The following ARHGEF3 variants were observed in gnomAD, a reference collection of about 807,000 sequenced individuals.
ARHGEF3 encodes the protein Rho guanine nucleotide exchange factor 3.
Under a neutral mutation model 63.2 loss-of-function variants are expected in ARHGEF3, and 28 were observed. That is an observed-to-expected ratio of 0.44 (90% CI 0.33 to 0.61). The LOEUF is 0.61. Among genes scored for constraint, ARHGEF3 ranks in the 20% least tolerant of loss-of-function variants. ARHGEF3 has a pLI of 0.03. For missense variants in ARHGEF3, 533 were observed against 659.3 expected, an observed-to-expected ratio of 0.81 and a Z score of 2.10; for synonymous variants, 266 against 254.2, an observed-to-expected ratio of 1.05 and a Z score of -0.44.
At chr3:56,842,219 G>A (rs1559984625) in intron 4 of ARHGEF3, among the ~76,000 whole-genome samples, 1 of 152,204 alleles carries the variant, frequency 6.6e-6, no homozygotes, top group Non-Finnish European at 1.5e-5. Context: ...CCAGTCAAAT[G>A]TGGGATTGTA....
intron 4 of ARHGEF3, among the ~76,000 whole-genome samples, chr3:56,810,666 C>A (rs1464645675): frequency 6.6e-6 from 1 of 152,094 alleles, no homozygotes; most frequent in East Asian, 1.9e-4. Context: ...GTATTCATAT[C>A]ATCTGGCCTG....
At chr3:57,002,479 T>TTTTA (rs1702250705) in intron 2 of ARHGEF3, among the ~76,000 whole-genome samples, 2 of 39,472 alleles carry the variant, frequency 5.1e-5, no homozygotes, top group Admixed American at 3.5e-4. Context: ...TATATATATG[T>TTTTA]TATATATATA....
chr3:57,020,198 A>C (rs1002399692), intron 2 of ARHGEF3, among the ~76,000 whole-genome samples: 3 of 152,084 alleles, frequency 2.0e-5, no homozygotes, highest in Non-Finnish European at 4.4e-5. Context: ...AATTTAGTGG[A>C]GCAAATAAAG....
intron 3 of ARHGEF3, among the ~76,000 whole-genome samples, chr3:56,913,948 TA>T (rs2041920947): frequency 6.6e-6 from 1 of 152,208 alleles, no homozygotes; most frequent in Admixed American, 6.5e-5. Context: ...TACTCAGCCA[TA>T]AAAAGGAATG....
chr3:56,806,350 G>A (rs1044658992), upstream of ARHGEF3, among the ~76,000 whole-genome samples: 3 of 152,224 alleles, frequency 2.0e-5, no homozygotes, highest in Non-Finnish European at 2.9e-5. Flanking sequence ...AAGCTAAGTG[G>A]CCCCAGGAGC....
At chr3:56,922,948 A>C (rs2042179468) in intron 3 of ARHGEF3, among the ~76,000 whole-genome samples, 2 of 150,782 alleles carry the variant, frequency 1.3e-5, no homozygotes, top group South Asian at 2.1e-4. Flanking sequence ...CACTTTGGGA[A>C]GCGTAGGCGG....
intron 9 of ARHGEF3, among the ~76,000 whole-genome samples, chr3:56,730,981 A>T (rs1179324863): frequency 1.3e-5 from 2 of 152,198 alleles, no homozygotes; most frequent in Non-Finnish European, 2.9e-5. Context: ...CTAACTTGTA[A>T]AATGGAGAAA....
intron 4 of ARHGEF3, among the ~76,000 whole-genome samples, chr3:56,832,154 C>T (rs1443275844): frequency 6.6e-6 from 1 of 152,218 alleles, no homozygotes; most frequent in Non-Finnish European, 1.5e-5. Context: ...CAACCTGACC[C>T]CATGCCCCTT....
chr3:56,744,519 T>C (rs143224993), intron 7 of ARHGEF3, among the ~76,000 whole-genome samples: 1,555 of 151,874 alleles, frequency 0.01, 33 homozygotes, highest in African/African-American at 0.036. Flanking sequence ...GTGCCTCACC[T>C]TCCTGAGTAG....
intron 3 of ARHGEF3, among the ~76,000 whole-genome samples, chr3:56,905,889 G>A (rs2041669056): frequency 1.3e-5 from 2 of 151,246 alleles, no homozygotes; most frequent in South Asian, 2.1e-4. Flanking sequence ...TTTTGGAGAC[G>A]GAGTCTCACT....
At chr3:57,022,448 A>G (rs1703299052) in intron 2 of ARHGEF3, among the ~76,000 whole-genome samples, 1 of 151,736 alleles carries the variant, frequency 6.6e-6, no homozygotes, top group South Asian at 2.1e-4. Flanking sequence ...AAAAAAAGTT[A>G]TTAATCAATA....
At chr3:56,926,130 T>C (rs11130556) in intron 3 of ARHGEF3, among the ~76,000 whole-genome samples, 33 of 152,280 alleles carry the variant, frequency 2.2e-4, no homozygotes, top group African/African-American at 7.2e-4. Flanking sequence ...CCAGGGACCA[T>C]TCTCAGGGTC....
At chr3:57,052,423 A>G (rs1704715613) in intron 1 of ARHGEF3, among the ~76,000 whole-genome samples, 1 of 152,028 alleles carries the variant, frequency 6.6e-6, no homozygotes, top group Non-Finnish European at 1.5e-5. Flanking sequence ...CAGCCTCCCG[A>G]GTAACTGGGA....
intron 2 of ARHGEF3, among the ~76,000 whole-genome samples, chr3:56,764,253 C>T (rs1463232192): frequency 6.6e-6 from 1 of 152,118 alleles, no homozygotes; most frequent in Admixed American, 6.5e-5. Flanking sequence ...ATTAGGAAGG[C>T]TTCCAGAGGC....
At chr3:56,985,340 C>T (rs112357867) in intron 2 of ARHGEF3, among the ~76,000 whole-genome samples, 213 of 152,360 alleles carry the variant, frequency 1.4e-3, no homozygotes, top group African/African-American at 5.0e-3. Flanking sequence ...CTGCCCGCCT[C>T]GGCCTCCCAA....
intron 2 of ARHGEF3, among the ~76,000 whole-genome samples, chr3:57,033,819 T>C (rs1703836114): frequency 2.0e-5 from 3 of 151,956 alleles, no homozygotes; most frequent in Non-Finnish European, 2.9e-5. Context: ...CTGAGGTAGG[T>C]AGATCACCTG....
At chr3:57,046,599 T>A (rs1473702271) in intron 1 of ARHGEF3, among the ~76,000 whole-genome samples, 2 of 152,208 alleles carry the variant, frequency 1.3e-5, no homozygotes, top group African/African-American at 4.8e-5. Context: ...AAGATGCATC[T>A]TAGTGAGCTG....
At chr3:56,914,181 C>T (rs1341831202) in intron 3 of ARHGEF3, among the ~76,000 whole-genome samples, 1 of 152,184 alleles carries the variant, frequency 6.6e-6, no homozygotes, top group Non-Finnish European at 1.5e-5. Context: ...GCAGTGTATG[C>T]TGCTTGGATG....
upstream of ARHGEF3, among the ~76,000 whole-genome samples, chr3:56,806,814 G>A (rs2037876843): frequency 2.0e-5 from 3 of 151,966 alleles, no homozygotes; most frequent in Non-Finnish European, 2.9e-5. Flanking sequence ...TAACATGGCT[G>A]TGACAGCCTT....
Sources: allele counts gnomAD v4.1 joint callset (sites outside exome capture counted in the v4.1 genomes callset), GRCh38; gene constraint gnomAD v4.1.1; transcripts MANE v1.5; gene names NCBI Gene and HGNC (gene_info 2026-07-23, HGNC 2026-07-21).